MAD1L1: variants seen among roughly 807,000 people sequenced by gnomAD.
MAD1L1 encodes mitotic arrest deficient 1 like 1.
In MAD1L1, 95 loss-of-function variants were observed where a neutral mutation model predicts 96.9. The ratio of observed to expected loss-of-function variants is 0.98; its 90% CI spans 0.83 to 1.16. The LOEUF (loss-of-function observed/expected upper bound fraction) is 1.16. MAD1L1 is among the 50% of genes most tolerant of loss of function. The pLI, the probability that MAD1L1 is intolerant of heterozygous loss-of-function variation, is 0.00. For synonymous variants in MAD1L1, 473 were observed against 396.6 expected (o/e 1.19, Z -2.29); for missense variants, 1,007 against 954.4 (o/e 1.06, Z -0.73).
intron 12 of MAD1L1, among the ~76,000 whole-genome samples, chr7:2,053,049 G>A (rs2128518967): frequency 6.6e-6 from 1 of 152,322 alleles, no homozygotes; most frequent in Middle Eastern, 3.4e-3. Flanking sequence ...AGCCGTCCCT[G>A]CCCTGGCACC....
intron 15 of MAD1L1, among the ~76,000 whole-genome samples, chr7:1,973,457 G>A (rs559018982): frequency 1.1e-4 from 16 of 152,070 alleles, no homozygotes; most frequent in Admixed American, 3.9e-4. Context: ...GTGGGGATGC[G>A]TACCCCACTC....
At chr7:2,218,081 A>G in intron 6 of MAD1L1, 38 bp from the exon 7 acceptor site, 1 of 1,517,480 alleles carries the variant, frequency 6.6e-7, no homozygotes, top group Non-Finnish European at 9.2e-7. Context: ...AGAAACAGGC[A>G]TGCGGCAAGG....
At chr7:2,148,887 G>C (rs1789436806) in intron 11 of MAD1L1, among the ~76,000 whole-genome samples, 6 of 152,182 alleles carry the variant, frequency 3.9e-5, no homozygotes, top group Admixed American at 2.6e-4. Flanking sequence ...CCCACAACAG[G>C]AGGCCAACCC....
At chr7:1,960,422 G>A (rs541647723) in intron 15 of MAD1L1, among the ~76,000 whole-genome samples, 10 of 152,154 alleles carry the variant, frequency 6.6e-5, no homozygotes, top group South Asian at 2.1e-4. Flanking sequence ...ATCAGACACC[G>A]CTGACAATAA....
intron 14 of MAD1L1, among the ~76,000 whole-genome samples, chr7:1,986,042 G>C (rs1781124728): frequency 6.6e-6 from 1 of 152,128 alleles, no homozygotes; most frequent in African/African-American, 2.4e-5. Flanking sequence ...CAAATGCATG[G>C]AGTAACCTTT....
intron 14 of MAD1L1, among the ~76,000 whole-genome samples, chr7:1,987,779 G>A (rs1038943839): frequency 3.3e-5 from 5 of 152,202 alleles, no homozygotes; most frequent in African/African-American, 4.8e-5. Context: ...TGTGGGACTC[G>A]CTGGCAGGGC....
At chr7:2,156,834 A>G (rs924056607) in intron 10 of MAD1L1, among the ~76,000 whole-genome samples, 1 of 151,644 alleles carries the variant, frequency 6.6e-6, no homozygotes, top group Non-Finnish European at 1.5e-5. Flanking sequence ...AAAAAAAAAA[A>G]AAGAAAGAAA....
At chr7:1,907,127 G>A (rs927768526) in intron 17 of MAD1L1, among the ~76,000 whole-genome samples, 2 of 152,116 alleles carry the variant, frequency 1.3e-5, no homozygotes, top group African/African-American at 2.4e-5. Context: ...GGCACCCATG[G>A]CCTCAGAGCA....
At chr7:1,978,178 G>T (rs1343751392) in intron 15 of MAD1L1, among the ~76,000 whole-genome samples, 1 of 152,246 alleles carries the variant, frequency 6.6e-6, no homozygotes, top group Non-Finnish European at 1.5e-5. Flanking sequence ...ATTGAAGCCT[G>T]TCTGGCACGT....
intron 12 of MAD1L1, among the ~76,000 whole-genome samples, chr7:2,032,148 G>A (rs946241072): frequency 6.6e-6 from 1 of 152,228 alleles, no homozygotes; most frequent in African/African-American, 2.4e-5. Context: ...CATGCGGGAC[G>A]CCCGGCCCCA....
At chr7:2,005,163 C>T (rs558237665) in intron 13 of MAD1L1, among the ~76,000 whole-genome samples, 1 of 152,270 alleles carries the variant, frequency 6.6e-6, no homozygotes, top group East Asian at 1.9e-4. Flanking sequence ...GAGCTGAGTG[C>T]TCCCCAGGAG....
chr7:2,134,801 G>A (rs1204186987), intron 11 of MAD1L1, among the ~76,000 whole-genome samples: 2 of 152,296 alleles, frequency 1.3e-5, no homozygotes, highest in East Asian at 3.9e-4. Context: ...GGCTCCACCA[G>A]AAATCAGGTG....
At chr7:2,168,276 C>T (rs1790535753) in intron 10 of MAD1L1, among the ~76,000 whole-genome samples, 1 of 150,248 alleles carries the variant, frequency 6.7e-6, no homozygotes, top group African/African-American at 2.5e-5. Flanking sequence ...CAGAGCGAGA[C>T]TGTCTAAAAA....
intron 11 of MAD1L1, among the ~76,000 whole-genome samples, chr7:2,117,903 C>T (rs1160794316): frequency 6.6e-6 from 1 of 152,174 alleles, no homozygotes; most frequent in East Asian, 1.9e-4. Context: ...CAAAGCAACT[C>T]ACTTGTATCC....
At chr7:2,009,896 C>G (rs893816859) in intron 13 of MAD1L1, among the ~76,000 whole-genome samples, 1 of 151,906 alleles carries the variant, frequency 6.6e-6, no homozygotes, top group Non-Finnish European at 1.5e-5. Flanking sequence ...ACGGGGAGCC[C>G]GGCTCAGCGC....
intron 11 of MAD1L1, among the ~76,000 whole-genome samples, chr7:2,096,487 T>A (rs1786496583): frequency 6.6e-6 from 1 of 152,112 alleles, no homozygotes; most frequent in South Asian, 2.1e-4. Flanking sequence ...GAGCTTTGAA[T>A]TTGTTAGCTG....
intron 12 of MAD1L1, among the ~76,000 whole-genome samples, chr7:2,059,470 G>A (rs906111545): frequency 1.3e-5 from 2 of 151,642 alleles, no homozygotes; most frequent in Admixed American, 6.6e-5. Context: ...GAGGCGTGGG[G>A]CTGGAGAGGG....
intron 17 of MAD1L1, among the ~76,000 whole-genome samples, chr7:1,936,116 G>GC (rs779638523): frequency 2.0e-4 from 31 of 152,220 alleles, no homozygotes; most frequent in Non-Finnish European, 3.7e-4. Context: ...AGTCGACACA[G>GC]CCCCGGCAGC....
At chr7:1,956,046 A>G (rs899608461) in intron 16 of MAD1L1, among the ~76,000 whole-genome samples, 1 of 152,128 alleles carries the variant, frequency 6.6e-6, no homozygotes, top group African/African-American at 2.4e-5. Context: ...TGATCCAAGC[A>G]GGGGCCTAGT....
Sources: gnomAD v4.1 joint callset for allele counts (sites outside exome capture counted in the v4.1 genomes callset) on GRCh38, gnomAD v4.1.1 for gene constraint, MANE v1.5 for transcripts, NCBI Gene and HGNC (gene_info 2026-07-23, HGNC 2026-07-21) for gene names.